CACNB2: variants seen among roughly 807,000 people sequenced by gnomAD.
The protein encoded by CACNB2 is voltage-dependent L-type calcium channel subunit beta-2.
CACNB2 carries 42 observed loss-of-function variants against 73.3 expected under a neutral mutation model. That is an observed-to-expected ratio of 0.57 (90% CI 0.45 to 0.74). The LOEUF (loss-of-function observed/expected upper bound fraction) is 0.74, where lower values mean the gene tolerates loss of function less well. Among genes scored for constraint, CACNB2 ranks in the 30% least tolerant of loss-of-function variants. CACNB2 has a pLI of 0.00. For synonymous variants in CACNB2, 348 were observed against 310.3 expected, an observed-to-expected ratio of 1.12 and a Z score of -1.28; for missense variants, 940 against 853.0, an observed-to-expected ratio of 1.10 and a Z score of -1.27.
chr10:18,342,434 C>T (rs1305982760), intron 2 of CACNB2, among the ~76,000 whole-genome samples: 1 of 152,184 alleles, frequency 6.6e-6, no homozygotes, highest in Non-Finnish European at 1.5e-5. Context: ...TAGAGACCAG[C>T]CTGGGCAGCA....
chr10:18,322,452 T>C (rs1260978993), intron 2 of CACNB2, among the ~76,000 whole-genome samples: 2 of 152,214 alleles, frequency 1.3e-5, no homozygotes, highest in African/African-American at 4.8e-5. Flanking sequence ...TTTTGTTGTT[T>C]TTATATGTAA....
At chr10:18,141,939 ATG>A (rs1220204330) in intron 1 of CACNB2, among the ~76,000 whole-genome samples, 4 of 152,210 alleles carry the variant, frequency 2.6e-5, no homozygotes, top group Non-Finnish European at 4.4e-5. Context: ...TAAGATATAT[ATG>A]TGTGTGTATA....
At chr10:18,450,632 T>C (rs1244781512) in intron 3 of CACNB2, among the ~76,000 whole-genome samples, 6 of 149,860 alleles carry the variant, frequency 4.0e-5, no homozygotes, top group South Asian at 2.1e-4. Context: ...TTTTCTTTTT[T>C]TTTTTTTTTT....
intron 2 of CACNB2, among the ~76,000 whole-genome samples, chr10:18,308,097 G>A (rs563842077): frequency 2.1e-5 from 3 of 143,642 alleles, no homozygotes; most frequent in East Asian, 2.0e-4. Flanking sequence ...AGGTTCAAGC[G>A]ATTCTCCTAT....
chr10:18,216,437 C>G (rs989746006), intron 2 of CACNB2, among the ~76,000 whole-genome samples: 2 of 152,084 alleles, frequency 1.3e-5, no homozygotes, highest in African/African-American at 4.8e-5. Flanking sequence ...TAGTCTTAAG[C>G]AAACCAAAAA....
At chr10:18,405,402 T>G (rs1240949659) in intron 3 of CACNB2, among the ~76,000 whole-genome samples, 2 of 152,230 alleles carry the variant, frequency 1.3e-5, no homozygotes, top group African/African-American at 4.8e-5. Context: ...TTTGGACATC[T>G]GGGTTGTTTT....
chr10:18,380,198 C>G (rs1230600732), intron 2 of CACNB2, among the ~76,000 whole-genome samples: 5 of 152,112 alleles, frequency 3.3e-5, no homozygotes, highest in Non-Finnish European at 4.4e-5. Context: ...CAAGAATGAA[C>G]AGTGTTCCTC....
intron 2 of CACNB2, among the ~76,000 whole-genome samples, chr10:18,170,835 G>C (rs1011529709): frequency 6.6e-6 from 1 of 152,208 alleles, no homozygotes; most frequent in African/African-American, 2.4e-5. Flanking sequence ...CACAATACTA[G>C]ACATCTTAGA....
intron 2 of CACNB2, among the ~76,000 whole-genome samples, chr10:18,213,302 G>A (rs969245177): frequency 6.6e-6 from 1 of 152,170 alleles, no homozygotes; most frequent in Non-Finnish European, 1.5e-5. Flanking sequence ...CACGTGTTAA[G>A]CTCAGGACGT....
At chr10:18,168,136 C>T (rs1236759787) in intron 2 of CACNB2, among the ~76,000 whole-genome samples, 1 of 152,120 alleles carries the variant, frequency 6.6e-6, no homozygotes, top group African/African-American at 2.4e-5. Flanking sequence ...CAAAAGCAAA[C>T]ACTGCTGGAC....
At position 18,539,743 on chromosome 10, in the gene CACNB2, T is replaced by C. The variant is rs76261334; in HGVS notation, c.*19T>C. The C allele has an allele frequency of 5.3e-3, 4,117 of 781,034 alleles. 11 individuals carry two copies. Among genetic ancestry groups the C allele is most frequent in the Middle Eastern group, 0.011 (35 of 3,256 alleles). The allele number at this position is 781,034 out of a possible 1,614,324, so 48.4% of individuals were successfully genotyped here. On this transcript the variant is annotated 3_prime_UTR_variant, in exon 14 of 14. Transcript: ENST00000324631. ...CCAATGAGTTTTGCCCGTTTGTGTT[T>C]TTTTTTTTTTTTTTTTGAAGTCTTG... is the stretch of plus-strand genomic sequence containing the variant.
chr10:18,526,478 G>C (rs1044171458), intron 9 of CACNB2, among the ~76,000 whole-genome samples: 21 of 152,192 alleles, frequency 1.4e-4, no homozygotes, highest in Non-Finnish European at 1.5e-5. Flanking sequence ...GTGGAGGGCT[G>C]TAACTGAAAC....
chr10:18,289,125 A>T (rs994636815), intron 2 of CACNB2, among the ~76,000 whole-genome samples: 1 of 152,128 alleles, frequency 6.6e-6, no homozygotes, highest in Non-Finnish European at 1.5e-5. Flanking sequence ...TGAACTGATT[A>T]AAAATTTCAT....
intron 2 of CACNB2, among the ~76,000 whole-genome samples, chr10:18,384,314 G>A (rs529796555): frequency 3.3e-5 from 5 of 152,158 alleles, no homozygotes; most frequent in Admixed American, 6.5e-5. Flanking sequence ...TCCAAGTAAT[G>A]GCTGTGTATA....
In CACNB2 at chr10:18,514,374, C is replaced by A; in HGVS notation, c.804+5C>A. 6.2e-7 allele frequency: 1 copy of A among 1,614,130 alleles called. No homozygotes were observed. Among genetic ancestry groups the A allele is most frequent in the Non-Finnish European group, 8.5e-7 (1 of 1,180,014 alleles). On this transcript the variant is annotated splice_donor_5th_base_variant and intron_variant, in intron 7 of 13. Transcript: ENST00000324631. ...AGAATGCCCTTCTTTAAGAAGGTAA[C>A]ATTAACTTCCAAGCTCCCATTGTCC... is the stretch of plus-strand genomic sequence containing the variant.
chr10:18,157,730 A>G (rs1269202191), intron 2 of CACNB2, among the ~76,000 whole-genome samples: 1 of 152,178 alleles, frequency 6.6e-6, no homozygotes, highest in African/African-American at 2.4e-5. Flanking sequence ...GTTATGCTAT[A>G]CTTCCTTGTA....
At chr10:18,398,620 A>T (rs2043828552) in intron 2 of CACNB2, among the ~76,000 whole-genome samples, 1 of 152,014 alleles carries the variant, frequency 6.6e-6, no homozygotes, top group Admixed American at 6.6e-5. Flanking sequence ...GCAGTAAGCC[A>T]TGATTGCATC....
intron 3 of CACNB2, among the ~76,000 whole-genome samples, chr10:18,427,391 G>T (rs577149049): frequency 1.3e-3 from 201 of 152,026 alleles, no homozygotes; most frequent in Non-Finnish European, 2.1e-3. Flanking sequence ...TTGGGGGAGG[G>T]TGGGGGACTT....
At chr10:18,173,945 C>T (rs1173393339) in intron 2 of CACNB2, among the ~76,000 whole-genome samples, 1 of 152,082 alleles carries the variant, frequency 6.6e-6, no homozygotes, top group Non-Finnish European at 1.5e-5. Flanking sequence ...GTTGGTGAGT[C>T]TCAGATGGCC....
Sources: gnomAD v4.1 joint callset for allele counts (sites outside exome capture counted in the v4.1 genomes callset) on GRCh38, gnomAD v4.1.1 for gene constraint, MANE v1.5 for transcripts, NCBI Gene and HGNC (gene_info 2026-07-23, HGNC 2026-07-21) for gene names.